VPS53: variants seen among roughly 807,000 people sequenced by gnomAD.
The protein encoded by VPS53 is vacuolar protein sorting-associated protein 53 homolog.
A neutral mutation model predicts 107.0 loss-of-function variants in VPS53; 70 were observed. That is an observed-to-expected ratio of 0.65 (90% CI 0.54 to 0.80). The LOEUF (loss-of-function observed/expected upper bound fraction) is 0.80, where lower values mean the gene tolerates loss of function less well. Ranked by LOEUF, VPS53 falls within the 30% of genes least tolerant of loss-of-function variation. The probability of loss-of-function intolerance (pLI) is 0.00; values close to 1 mark genes in which losing one functional copy is unlikely to be tolerated. For missense variants in VPS53, 917 were observed against 1,049.4 expected (o/e 0.87, Z 1.74); for synonymous variants, 409 against 393.3 (o/e 1.04, Z -0.47).
At chr17:571,804 C>T (rs1914129039) in intron 13 of VPS53, among the ~76,000 whole-genome samples, 1 of 152,096 alleles carries the variant, frequency 6.6e-6, no homozygotes, top group Admixed American at 6.5e-5. Context: ...CTCGGCCTCC[C>T]GAGGTGCCGG....
intron 19 of VPS53, among the ~76,000 whole-genome samples, chr17:531,737 TCCTCCCATCTCAG>T (rs1909569224): frequency 6.7e-6 from 1 of 150,290 alleles, no homozygotes; most frequent in Non-Finnish European, 1.5e-5. Context: ...CCTCTAGTGA[TCCTCCCATCTCAG>T]CCTCCCATCA....
At chr17:597,505 T>C (rs1252779021) in intron 12 of VPS53, among the ~76,000 whole-genome samples, 2 of 152,180 alleles carry the variant, frequency 1.3e-5, no homozygotes, top group East Asian at 1.9e-4. Flanking sequence ...TAATCAGTAA[T>C]AGCCCATGAA....
At chr17:686,722 C>T (rs1270871686) in intron 4 of VPS53, among the ~76,000 whole-genome samples, 1 of 152,204 alleles carries the variant, frequency 6.6e-6, no homozygotes, top group Non-Finnish European at 1.5e-5. Context: ...CACAGGAACT[C>T]GACAAATACC....
intron 9 of VPS53, 45 bp downstream of exon 9, chr17:628,043 A>G: frequency 5.7e-6 from 9 of 1,576,214 alleles, no homozygotes; most frequent in South Asian, 1.2e-5. Flanking sequence ...TCATGTTTCA[A>G]TAAAATTCAA....
chr17:519,274 T>A lies in VPS53; in HGVS notation c.2353A>T (p.Ser785Cys), dbSNP rs560688794. 1 of 1,519,784 alleles carries A rather than the reference T, an allele frequency of 6.6e-7. No homozygotes were observed. Among genetic ancestry groups the A allele is most frequent in the East Asian group, 2.5e-5 (1 of 40,586 alleles). The allele number at this position is 1,519,784 out of a possible 1,614,324, so 94.1% of individuals were successfully genotyped here. The change falls in exon 22 of 22, where the codon AGC (serine) becomes TGC (cysteine). Residue 785 changes from serine (S) to cysteine (C), a missense_variant. By Grantham distance (112) the Ser-to-Cys change is moderately radical. Transcript: ENST00000437048. This position sits in a 1 kb window ranked among gnomAD's most constrained non-coding sequence, Gnocchi z 5.0. ...CGCTGGCGCAGGAGTTCCAGCATGC[T>A]GCTCTGCTCACTCCTCTTCAGCCCC... The part of the protein sequence containing the change: ...MKGLKRSEQS[S>C]MLELLRQRLP...
At chr17:711,163 T>C (rs1363532087) in intron 1 of VPS53, among the ~76,000 whole-genome samples, 1 of 152,074 alleles carries the variant, frequency 6.6e-6, no homozygotes, top group Non-Finnish European at 1.5e-5. Context: ...TGAGCCGAGA[T>C]TCTATCACTG....
At chr17:647,502 G>C (rs904828022) in intron 7 of VPS53, among the ~76,000 whole-genome samples, 14 of 152,234 alleles carry the variant, frequency 9.2e-5, no homozygotes, top group Non-Finnish European at 1.5e-4. Context: ...ATCATCCTGA[G>C]AGCAGGGGTA....
At chr17:686,237 G>A (rs907645629) in intron 4 of VPS53, among the ~76,000 whole-genome samples, 3 of 151,910 alleles carry the variant, frequency 2.0e-5, no homozygotes, top group Admixed American at 2.0e-4. Flanking sequence ...GAAGGATCAC[G>A]TGAGCCCAGG....
intron 11 of VPS53, among the ~76,000 whole-genome samples, chr17:611,769 C>T (rs1338995799): frequency 6.6e-6 from 1 of 151,798 alleles, no homozygotes; most frequent in East Asian, 1.9e-4. Flanking sequence ...CAAATATTCA[C>T]ATAGTGAGTT....
At chr17:632,770 T>C (rs919894001) in intron 7 of VPS53, 4 of 456,272 alleles carry the variant, frequency 8.8e-6, no homozygotes, top group Admixed American at 2.3e-5. Flanking sequence ...GGAATCTGTC[T>C]TCCCGTGTCT....
At chr17:664,972 C>T (rs754770566) in intron 4 of VPS53, among the ~76,000 whole-genome samples, 3 of 151,926 alleles carry the variant, frequency 2.0e-5, no homozygotes, top group Non-Finnish European at 4.4e-5. Flanking sequence ...GTGGTGGTGG[C>T]GGGGCTGGAA....
rs59122362 is a variant in VPS53 at position 638,104 on chromosome 17, T to C, written c.609-6476A>G. ...CTTTATGAATCTGCGTACTCCTGTA[T>C]TGGGTGCATATATATTTAGGATAGT... On this transcript the variant is annotated intron_variant, in intron 7 of 21. Coordinates refer to ENST00000437048, the MANE Select transcript of VPS53 (RefSeq NM_001128159.3). Among the ~76,000 whole-genome samples the C allele has an allele frequency of 9.9e-3, 1,512 of 152,354 alleles. 26 individuals are homozygous for C. Among genetic ancestry groups the C allele is most frequent in the African/African-American group, 0.034 (1,414 of 41,580 alleles).
rs866659345 is a variant in VPS53 at position 578,652 on chromosome 17, A to G, written c.1313+7618T>C. The stretch of plus-strand genomic sequence containing the variant: ...TCCAGAGAAGCTCCCTCAGAAGCCA[A>G]TGCATTCCCAGACAACTTCCCTGAG... On this transcript the variant is annotated intron_variant, in intron 13 of 21. Coordinates refer to ENST00000437048, the MANE Select transcript of VPS53 (RefSeq NM_001128159.3). Among the ~76,000 whole-genome samples, 7 of 149,954 alleles carry G rather than the reference A, an allele frequency of 4.7e-5. No homozygotes were observed. The South Asian group carries it at 6.4e-4, about 14-fold the overall frequency.
intron 19 of VPS53, among the ~76,000 whole-genome samples, chr17:523,874 G>T (rs1908928535): frequency 6.6e-6 from 1 of 152,208 alleles, no homozygotes; most frequent in African/African-American, 2.4e-5. Context: ...AGGCCCACGT[G>T]AAGAGCCTGG....
intron 13 of VPS53, among the ~76,000 whole-genome samples, chr17:581,772 T>C (rs780267586): frequency 1.3e-5 from 2 of 150,804 alleles, no homozygotes; most frequent in Non-Finnish European, 3.0e-5. Flanking sequence ...CAGAATCTAA[T>C]GCGTTCCCAC....
chr17:557,225 A>G (rs1022710135), intron 15 of VPS53, among the ~76,000 whole-genome samples: 1 of 152,132 alleles, frequency 6.6e-6, no homozygotes, highest in Non-Finnish European at 1.5e-5. Flanking sequence ...GCAATCCTTG[A>G]TGTTCCTTGG....
intron 13 of VPS53, among the ~76,000 whole-genome samples, chr17:578,092 C>T (rs1914797133): frequency 6.6e-6 from 1 of 152,032 alleles, no homozygotes; most frequent in African/African-American, 2.4e-5. Context: ...AGGCAACCTC[C>T]CTCAGAACCT....
chr17:588,414 C>T (rs147258025), intron 12 of VPS53, among the ~76,000 whole-genome samples: 62 of 152,078 alleles, frequency 4.1e-4, no homozygotes, highest in Middle Eastern at 6.8e-3. Flanking sequence ...AGAGATAAGC[C>T]CTAATGACAG....
intron 4 of VPS53, among the ~76,000 whole-genome samples, chr17:666,977 C>T (rs1462867578): frequency 6.6e-6 from 1 of 152,058 alleles, no homozygotes; most frequent in Admixed American, 6.5e-5. Context: ...TGTTGGTGAC[C>T]TTGACAAGAG....
Sources: allele counts gnomAD v4.1 joint callset (sites outside exome capture counted in the v4.1 genomes callset), GRCh38; gene constraint gnomAD v4.1.1; non-coding constraint Gnocchi (gnomAD v3.1); transcripts MANE v1.5; gene names NCBI Gene and HGNC (gene_info 2026-07-23, HGNC 2026-07-21).